Variants in SLC12A5 observed in about 807,000 individuals in gnomAD.
SLC12A5 encodes the protein solute carrier family 12 member 5.
SLC12A5 carries 18 observed loss-of-function variants against 124.0 expected under a neutral mutation model. The ratio of observed to expected loss-of-function variants is 0.15; its 90% CI spans 0.10 to 0.22. The LOEUF (loss-of-function observed/expected upper bound fraction) is 0.22, where lower values mean the gene tolerates loss of function less well. Ranked by LOEUF, SLC12A5 falls within the 10% of genes least tolerant of loss-of-function variation. The probability of loss-of-function intolerance (pLI) is 1.00; values close to 1 mark genes in which losing one functional copy is unlikely to be tolerated. For missense variants in SLC12A5, 867 were observed against 1,478.7 expected (o/e 0.59, Z 6.78); for synonymous variants, 589 against 568.0 (o/e 1.04, Z -0.53).
chr20:46,036,093 C>T, intron 4 of SLC12A5, 170 bp downstream of exon 4: 1 of 762,988 alleles, frequency 1.3e-6, no homozygotes, highest in African/African-American at 1.7e-5. Context: ...ATCTCACAGG[C>T]TTGTCCTTGA....
chr20:46,030,321 C>G (rs2084437590), intron 1 of SLC12A5, among the ~76,000 whole-genome samples: 1 of 152,128 alleles, frequency 6.6e-6, no homozygotes, highest in Non-Finnish European at 1.5e-5. Flanking sequence ...GCGGACACTG[C>G]GGACGCGCTG....
chr20:46,049,532 G>T, intron 16 of SLC12A5, 90 bp from the exon 17 acceptor site: 2 of 1,480,640 alleles, frequency 1.4e-6, no homozygotes, highest in Non-Finnish European at 9.2e-7. Context: ...TTATAGAGGA[G>T]AGATGGCTAG....
At chr20:46,048,147 AC>A in intron 16 of SLC12A5, 62 bp downstream of exon 16, 2 of 1,452,782 alleles carry the variant, frequency 1.4e-6, no homozygotes, top group Non-Finnish European at 1.9e-6. Flanking sequence ...GGCTCAGGAG[AC>A]AGGGGGAAGG....
At chr20:46,035,327 T>C in intron 2 of SLC12A5, 77 bp from the exon 3 acceptor site, 1 of 1,543,334 alleles carries the variant, frequency 6.5e-7, no homozygotes, top group Non-Finnish European at 8.8e-7. Flanking sequence ...TGTCCCCATC[T>C]CTTCCTCTGC....
At position 46,043,653 on chromosome 20, in the gene SLC12A5, C is replaced by T. The variant is rs1287686059; in HGVS notation, c.1258C>T (p.Arg420Cys). Reference protein sequence around the residue: ...SVTGIMAGSNRSGDLRDAQKS... With the variant: ...SVTGIMAGSNCSGDLRDAQKS... ...TGCAGGGATCATGGCTGGTTCTAAC[C>T]GCTCTGGGGACCTGAGGGATGCCCA... The change falls in exon 10 of 26, where the codon CGC becomes TGC. Residue 420 changes from arginine (R) to cysteine (C), a missense_variant. By Grantham distance (180) the Arg-to-Cys change is radical (BLOSUM62 -3). This residue lies in a region of SLC12A5 where 152 missense variants were observed against 358.7 expected (regional missense o/e 0.42). Coordinates refer to ENST00000243964, the MANE Select transcript of SLC12A5 (RefSeq NM_020708.5). 1 of 1,614,166 alleles carries T rather than the reference C, an allele frequency of 6.2e-7. No individual in the cohort carries two copies. The highest frequency in any genetic ancestry group is 8.5e-7 in the Non-Finnish European group (1 of 1,180,036).
chr20:46,040,347 C>G, intron 6 of SLC12A5, 26 bp from the exon 7 acceptor site: 1 of 1,611,652 alleles, frequency 6.2e-7, no homozygotes, highest in Non-Finnish European at 8.5e-7. Context: ...ACTTAGGTAT[C>G]TGTTCTTCCT....
intron 8 of SLC12A5, among the ~76,000 whole-genome samples, chr20:46,042,059 G>A (rs2084552945): frequency 6.6e-6 from 1 of 152,184 alleles, no homozygotes; most frequent in Non-Finnish European, 1.5e-5. Context: ...AGAACAGCTT[G>A]CCTAAAAGCA....
chr20:46,026,746 T>C (rs1348717494), upstream of SLC12A5, among the ~76,000 whole-genome samples: 2 of 152,084 alleles, frequency 1.3e-5, no homozygotes, highest in Non-Finnish European at 1.5e-5. Context: ...TGCCCAGAGA[T>C]ACACAGAGAA....
chr20:46,021,791 C>G, upstream of SLC12A5: 1 of 1,532,854 alleles, frequency 6.5e-7, no homozygotes, highest in Non-Finnish European at 8.7e-7. Flanking sequence ...ACGGTCACCT[C>G]GCTGCCCCCC....
In SLC12A5 at chr20:46,058,621, C is replaced by T. The variant is rs1445752751; in HGVS notation, c.*1016C>T. 4 of 399,074 alleles carry T rather than the reference C, an allele frequency of 1.0e-5. No individual in the cohort carries two copies. Among genetic ancestry groups the T allele is most frequent in the African/African-American group, 2.1e-5 (1 of 48,750 alleles). The allele number at this position is 399,074 out of a possible 1,614,324, so 24.7% of individuals were successfully genotyped here. A position where few individuals can be genotyped will look rare whatever the true frequency, so the allele number is the denominator to read the frequency against. On this transcript the variant is annotated 3_prime_UTR_variant, in exon 26 of 26. Transcript: ENST00000243964. The surrounding 1 kb of genome is among the most constrained non-coding windows in gnomAD (Gnocchi z 5.8). ...CCCGGTGCCTTCGCTGGGGAGCAGG[C>T]GTCTCTCCTCAGTCGGCTTGTCGCC...
upstream of SLC12A5, among the ~76,000 whole-genome samples, chr20:46,028,754 G>A (rs11086993): frequency 6.6e-6 from 1 of 152,100 alleles, no homozygotes; most frequent in Non-Finnish European, 1.5e-5. Context: ...GTTCCATGGC[G>A]CACCTCCACG....
intron 18 of SLC12A5, among the ~76,000 whole-genome samples, 160 bp downstream of exon 18, chr20:46,052,030 G>A (rs1455090100): frequency 6.6e-6 from 1 of 152,182 alleles, no homozygotes; most frequent in African/African-American, 2.4e-5. Context: ...GGCTGGCCAC[G>A]TGCCAGCCAC....
chr20:46,035,936 C>A lies in SLC12A5; in HGVS notation c.426+13C>A. The A allele has an allele frequency of 6.3e-7, 1 of 1,598,694 alleles. No homozygotes were observed. The highest frequency in any genetic ancestry group is 8.6e-7 in the Non-Finnish European group (1 of 1,168,476). The stretch of plus-strand genomic sequence containing the variant: ...CTGCTGCTCCTGTGTGAGTGACACC[C>A]CTCCCCTCACCACCCCCTGACAGCT... On this transcript the variant is annotated intron_variant, in intron 4 of 25. Coordinates refer to ENST00000243964, the MANE Select transcript of SLC12A5 (RefSeq NM_020708.5).
At position 46,040,342 on chromosome 20, in the gene SLC12A5, G is replaced by A. The variant is rs747994334; in HGVS notation, c.613-31G>A. The A allele has an allele frequency of 5.6e-6, 9 of 1,610,506 alleles. No homozygotes were observed. In the East Asian group the frequency reaches 1.1e-4, roughly 20 times the overall value. ...TGTAGTGCAAAGGGCTGCTGACTTAGGTATCTGTTCTTCCTGCCCCTTTCC... is the reference window on the plus strand; with the variant it reads ...TGTAGTGCAAAGGGCTGCTGACTTAAGTATCTGTTCTTCCTGCCCCTTTCC... On this transcript the variant is annotated intron_variant, in intron 6 of 25. Coordinates refer to ENST00000243964, the MANE Select transcript of SLC12A5 (RefSeq NM_020708.5).
At chr20:46,054,888 C>A in intron 20 of SLC12A5, 28 bp from the exon 21 acceptor site, 1 of 1,578,116 alleles carries the variant, frequency 6.3e-7, no homozygotes, top group South Asian at 1.1e-5. Flanking sequence ...CTCCCCACCC[C>A]CCAACCCCAA....
upstream of SLC12A5, chr20:46,021,803 C>G: frequency 6.5e-7 from 1 of 1,532,718 alleles, no homozygotes. Context: ...CTGCCCCCCG[C>G]AGGGCCCGCC....
At chr20:46,035,573 A>ACGG in intron 3 of SLC12A5, 38 bp downstream of exon 3, 1 of 1,163,410 alleles carries the variant, frequency 8.6e-7, no homozygotes, top group Non-Finnish European at 1.2e-6. Flanking sequence ...AAGAAAAGGG[A>ACGG]CGGATGGGGG....
chr20:46,052,744 G>T (rs1490917692), intron 18 of SLC12A5, among the ~76,000 whole-genome samples: 6 of 152,212 alleles, frequency 3.9e-5, no homozygotes, highest in African/African-American at 1.4e-4. Flanking sequence ...GGAAACTGAG[G>T]CCTAGAGAGG....
chr20:46,045,234 A>AGACTACCTCCT lies in SLC12A5; in HGVS notation c.1569+96_1569+106dup. ...GTGACCCAGGGCCATAACCAGCCTT[A>AGACTACCTCCT]GACTACCTCCTGGGCCACTTCTGCT... On this transcript the variant is annotated intron_variant, in intron 12 of 25. Coordinates refer to ENST00000243964, the MANE Select transcript of SLC12A5 (RefSeq NM_020708.5). The surrounding 1 kb of genome is among the most constrained non-coding windows in gnomAD (Gnocchi z 4.9). The AGACTACCTCCT allele has an allele frequency of 7.1e-7, 1 of 1,405,500 alleles. No homozygotes were observed. The highest frequency in any genetic ancestry group is 9.5e-7 in the Non-Finnish European group (1 of 1,057,470). 87.1% of individuals were successfully genotyped at this position (1,405,500 alleles called of 1,614,324 possible). A position where few individuals can be genotyped will look rare whatever the true frequency, so the allele number is the denominator to read the frequency against.
Sources: allele counts gnomAD v4.1 joint callset (sites outside exome capture counted in the v4.1 genomes callset), GRCh38; gene constraint gnomAD v4.1.1; regional missense constraint gnomAD v4.1.1; non-coding constraint Gnocchi (gnomAD v3.1); transcripts MANE v1.5; gene names NCBI Gene and HGNC (gene_info 2026-07-23, HGNC 2026-07-21).